Variants in CD59 observed in about 807,000 individuals in gnomAD.
CD59 encodes CD59 molecule (CD59 blood group).
In CD59, 3 loss-of-function variants were observed where a neutral mutation model predicts 7.0. The ratio of observed to expected loss-of-function variants is 0.43; its 90% CI spans 0.19 to 1.10. CD59 has a LOEUF of 1.10. CD59 is among the 50% of genes least tolerant of loss of function. The pLI is 0.29. For synonymous variants in CD59, 60 were observed against 62.0 expected, an observed-to-expected ratio of 0.97 and a Z score of 0.15; for missense variants, 143 against 151.0, an observed-to-expected ratio of 0.95 and a Z score of 0.28.
At chr11:33,716,766 G>A (rs529534089) in intron 3 of CD59, among the ~76,000 whole-genome samples, 2 of 152,214 alleles carry the variant, frequency 1.3e-5, no homozygotes, top group African/African-American at 2.4e-5. Flanking sequence ...TGAGGCTACC[G>A]AGCCCTGGCA....
Position 33,717,367 on chromosome 11 carries a change from T to G in CD59, c.169+3A>C. 5 of 1,601,688 alleles carry G rather than the reference T, an allele frequency of 3.1e-6. No homozygotes were observed. Among genetic ancestry groups the G allele is most frequent in the Non-Finnish European group, 3.4e-6 (4 of 1,168,876 alleles). ...TTAGGAGACAGACAGGGGAGGCTCT[T>G]ACCAGCTTTGGTAATGAGACACGCA... On this transcript the variant is annotated splice_donor_region_variant and intron_variant, in intron 3 of 3. Coordinates refer to ENST00000642928, the MANE Select transcript of CD59 (RefSeq NM_000611.6).
chr11:33,713,041 C>A (rs1004969529), intron 3 of CD59, among the ~76,000 whole-genome samples: 2 of 151,968 alleles, frequency 1.3e-5, no homozygotes, highest in African/African-American at 2.4e-5. Context: ...TTCAGTAATA[C>A]TGGAAAAGTT....
chr11:33,726,300 T>C (rs1486567555), intron 1 of CD59, among the ~76,000 whole-genome samples: 1 of 152,062 alleles, frequency 6.6e-6, no homozygotes, highest in African/African-American at 2.4e-5. Context: ...CCTCAGCAAA[T>C]GTAAAAGAAC....
intron 3 of CD59, among the ~76,000 whole-genome samples, chr11:33,711,160 A>G (rs1019874638): frequency 2.0e-4 from 30 of 152,284 alleles, no homozygotes; most frequent in Admixed American, 1.9e-3. Context: ...GAAAGGGAGA[A>G]AATGTTTGCA....
At position 33,706,335 on chromosome 11, in the gene CD59, G is replaced by A. The variant is rs2133510775; in HGVS notation, c.*3791C>T. 6.6e-6 allele frequency: 1 copy of A among 152,188 alleles called. No homozygotes were observed. Among genetic ancestry groups the A allele is most frequent in the East Asian group, 1.9e-4 (1 of 5,180 alleles). The allele number at this position is 152,188 out of a possible 1,614,324, so 9.4% of individuals were successfully genotyped here. ...ATATTGAATAACCTGTAAGTAATTT[G>A]AAAAAGAGACTTCTGGCTAGTTTTC... is the stretch of plus-strand genomic sequence containing the variant. On this transcript the variant is annotated 3_prime_UTR_variant, in exon 4 of 4. Transcript: ENST00000642928.
At chr11:33,714,424 C>G (rs1004167295) in intron 3 of CD59, among the ~76,000 whole-genome samples, 1 of 152,180 alleles carries the variant, frequency 6.6e-6, no homozygotes, top group African/African-American at 2.4e-5. Flanking sequence ...AGGGCACTTA[C>G]TGTGAATGGA....
Position 33,711,957 on chromosome 11 carries a change from A to G in CD59, c.170-1614T>C, listed in dbSNP as rs189045649. On this transcript the variant is annotated intron_variant, in intron 3 of 3. Coordinates refer to ENST00000642928, the MANE Select transcript of CD59 (RefSeq NM_000611.6). ...CTCTGGACAAATTTGGCATTTCTGC[A>G]AAAAGTTAAAGATAGAGTTATCCAT... Among the ~76,000 whole-genome samples the G allele has an allele frequency of 9.7e-4, 148 of 152,292 alleles. 1 individual carries two copies. Among genetic ancestry groups the G allele is most frequent in the Middle Eastern group, 6.8e-3 (2 of 294 alleles).
intron 1 of CD59, among the ~76,000 whole-genome samples, chr11:33,732,289 G>A (rs1035078934): frequency 1.6e-4 from 25 of 152,148 alleles, no homozygotes; most frequent in Middle Eastern, 3.2e-3. Flanking sequence ...CTGGATTATG[G>A]GGTGGTTTCT....
intron 1 of CD59, among the ~76,000 whole-genome samples, chr11:33,730,255 C>CAA (rs761598048): frequency 7.1e-6 from 1 of 140,288 alleles, no homozygotes. Context: ...CCCATCTCTA[C>CAA]AAAAAAAAAA....
At position 33,706,366 on chromosome 11, in the gene CD59, T is replaced by C. The variant is rs1055287544; in HGVS notation, c.*3760A>G. The C allele has an allele frequency of 6.6e-6, 1 of 152,200 alleles. No homozygotes were observed. Among genetic ancestry groups the C allele is most frequent in the South Asian group, 2.1e-4 (1 of 4,834 alleles). The allele number at this position is 152,200 out of a possible 1,614,324, so 9.4% of individuals were successfully genotyped here. On this transcript the variant is annotated 3_prime_UTR_variant, in exon 4 of 4. Transcript: ENST00000642928. ...GAGACTTCTGGCTAGTTTTCACTTA[T>C]GTCCAAGTCAGTGGGGGTAAATGCA...
rs1853841682 is a variant in CD59, at chr11:33,717,354, CAG to C, written c.169+14_169+15del. The C allele has an allele frequency of 6.5e-7, 1 of 1,547,888 alleles. No individual in the cohort carries two copies. Among genetic ancestry groups the C allele is most frequent in the Non-Finnish European group, 8.9e-7 (1 of 1,120,212 alleles). ...TACCCCATTACATTTAGGAGACAGA[CAG>C]GGGAGGCTCTTACCAGCTTTGGTAA... is the stretch of plus-strand genomic sequence containing the variant. On this transcript the variant is annotated intron_variant, in intron 3 of 3. Transcript: ENST00000642928.
intron 3 of CD59, 39 bp downstream of exon 3, chr11:33,717,331 C>A: frequency 7.5e-7 from 1 of 1,333,344 alleles, no homozygotes; most frequent in Non-Finnish European, 1.1e-6. Flanking sequence ...GCACTTATTA[C>A]CCCATTACAT....
chr11:33,735,911 C>T (rs1379401065), intron 1 of CD59, among the ~76,000 whole-genome samples: 3 of 134,008 alleles, frequency 2.2e-5, no homozygotes, highest in Non-Finnish European at 4.8e-5. Context: ...GAAACTCCAT[C>T]TCAAAAAAAA....
chr11:33,721,922 C>A (rs1490245995), intron 2 of CD59, among the ~76,000 whole-genome samples: 1 of 152,230 alleles, frequency 6.6e-6, no homozygotes, highest in Non-Finnish European at 1.5e-5. Flanking sequence ...GTGACTGGCA[C>A]ATAAATGCTT....
chr11:33,719,519 G>A (rs1853954885), intron 2 of CD59: 1 of 152,268 alleles, frequency 6.6e-6, no homozygotes. Flanking sequence ...CTATTCAGGA[G>A]GCTAAGGCAT....
At chr11:33,711,471 G>A in intron 3 of CD59, 1 of 695,632 alleles carries the variant, frequency 1.4e-6, no homozygotes, top group East Asian at 2.7e-5. Context: ...AGGATTGCCT[G>A]CGGCCAGCCT....
At chr11:33,735,808 C>T (rs1854552444) in intron 1 of CD59, among the ~76,000 whole-genome samples, 1 of 151,852 alleles carries the variant, frequency 6.6e-6, no homozygotes, top group Admixed American at 6.6e-5. Flanking sequence ...CCCAGCTACT[C>T]AGGAGGCTGT....
rs1164237629 is a variant in CD59, at chr11:33,704,574, G to C, written c.*5552C>G. Reference sequence around the variant, plus strand: ...AGAGGCTACTGTGTCCCAGGCACTTGTCTTAACTCATTTAACTTTTCTAAC... The same window carrying C: ...AGAGGCTACTGTGTCCCAGGCACTTCTCTTAACTCATTTAACTTTTCTAAC... On this transcript the variant is annotated 3_prime_UTR_variant, in exon 4 of 4. Transcript: ENST00000642928. The C allele has an allele frequency of 6.6e-6, 1 of 152,174 alleles. No homozygotes were observed. The highest frequency in any genetic ancestry group is 1.5e-5 in the Non-Finnish European group (1 of 68,036). The allele number at this position is 152,174 out of a possible 1,614,324, so 9.4% of individuals were successfully genotyped here. A position where few individuals can be genotyped will look rare whatever the true frequency, so the allele number is the denominator to read the frequency against.
At chr11:33,710,427 G>T in intron 3 of CD59, 84 bp from the exon 4 acceptor site, 1 of 1,102,030 alleles carries the variant, frequency 9.1e-7, no homozygotes, top group Non-Finnish European at 1.4e-6. Flanking sequence ...TATTTCGTAT[G>T]TATCCTGTGC....
Sources: allele counts gnomAD v4.1 joint callset (sites outside exome capture counted in the v4.1 genomes callset), GRCh38; gene constraint gnomAD v4.1.1; transcripts MANE v1.5; gene names NCBI Gene and HGNC (gene_info 2026-07-23, HGNC 2026-07-21).